The following RASGRF2 variants were observed in gnomAD, a reference collection of about 807,000 sequenced individuals.
The protein encoded by RASGRF2 is Ras protein specific guanine nucleotide releasing factor 2.
A neutral mutation model predicts 151.0 loss-of-function variants in RASGRF2; 76 were observed. The ratio of observed to expected loss-of-function variants is 0.50; its 90% CI spans 0.42 to 0.61. RASGRF2 has a LOEUF of 0.61. Ranked by LOEUF, RASGRF2 falls within the 20% of genes least tolerant of loss-of-function variation. The pLI is 0.00. For missense variants in RASGRF2, 1,148 were observed against 1,564.6 expected, an observed-to-expected ratio of 0.73 and a Z score of 4.49; for synonymous variants, 504 against 566.5, an observed-to-expected ratio of 0.89 and a Z score of 1.57.
At chr5:81,185,480 G>A (rs74473051) in intron 18 of RASGRF2, among the ~76,000 whole-genome samples, 4,075 of 152,208 alleles carry the variant, frequency 0.027, 67 homozygotes, top group Non-Finnish European at 0.033. Context: ...TGGCAGCCCA[G>A]GGCCTGGGGG....
chr5:81,153,103 A>G (rs1754173845), intron 17 of RASGRF2, among the ~76,000 whole-genome samples: 1 of 152,240 alleles, frequency 6.6e-6, no homozygotes, highest in South Asian at 2.1e-4. Flanking sequence ...ATTTAACACT[A>G]AAGAAGGCAT....
At position 81,212,413 on chromosome 5, in the gene RASGRF2, C is replaced by T; in HGVS notation, c.3204C>T (p.Ser1068=). 1 of 1,613,900 alleles carries T rather than the reference C, an allele frequency of 6.2e-7. No homozygotes were observed. The highest frequency in any genetic ancestry group is 1.3e-5 in the African/African-American group (1 of 75,042). The change falls in exon 23 of 27, where the codon AGC becomes AGT. Residue 1068 remains serine, a synonymous_variant. Coordinates refer to ENST00000265080, the MANE Select transcript of RASGRF2 (RefSeq NM_006909.3). The part of the protein sequence containing the change: ...ASQIMNYADV[S]SRANAIEKWV... The stretch of plus-strand genomic sequence containing the variant: ...AGATAATGAACTATGCTGATGTCAG[C>T]TCCCGTGCCAACGCCATCGAGAAAT...
At chr5:81,118,778 A>C (rs1431148518) in intron 15 of RASGRF2, among the ~76,000 whole-genome samples, 1 of 152,174 alleles carries the variant, frequency 6.6e-6, no homozygotes, top group Admixed American at 6.5e-5. Flanking sequence ...CAGCTTCTTA[A>C]TATTTTGCTT....
At chr5:80,975,205 A>G (rs1748075403) in intron 1 of RASGRF2, among the ~76,000 whole-genome samples, 1 of 151,984 alleles carries the variant, frequency 6.6e-6, no homozygotes, top group Admixed American at 6.6e-5. Flanking sequence ...TCTTTATCGA[A>G]AAGCTTCCCT....
intron 13 of RASGRF2, among the ~76,000 whole-genome samples, chr5:81,112,288 C>T (rs1009897909): frequency 5.9e-5 from 9 of 152,012 alleles, no homozygotes; most frequent in Non-Finnish European, 1.3e-4. Context: ...TACAGGATAA[C>T]GTTTTACGTA....
chr5:81,123,366 C>T (rs1015321863), intron 15 of RASGRF2, among the ~76,000 whole-genome samples: 1 of 152,198 alleles, frequency 6.6e-6, no homozygotes, highest in Non-Finnish European at 1.5e-5. Context: ...GGATCCACCA[C>T]ATACCCCCGT....
chr5:80,960,845 C>T lies in RASGRF2; in HGVS notation c.107C>T (p.Ala36Val). The T allele has an allele frequency of 6.2e-7, 1 of 1,608,404 alleles. No homozygotes were observed. The change falls in exon 1 of 27, where the codon GCG becomes GTG. Residue 36 changes from alanine to valine, a missense_variant. Coordinates refer to ENST00000265080, the MANE Select transcript of RASGRF2 (RefSeq NM_006909.3). This position sits in a 1 kb window ranked among gnomAD's most constrained non-coding sequence, Gnocchi z 5.5. ...TTCCTGAGTAAGAAGACGGCCGAGG[C>T]GAGCCGCTGGCACGAGAAGTGGTTC... ...RGFLSKKTAEASRWHEKWFAL... is the reference protein window; with the variant it reads ...RGFLSKKTAEVSRWHEKWFAL...
At position 81,080,659 on chromosome 5, in the gene RASGRF2, A is replaced by G. The variant is rs750754514; in HGVS notation, c.1031A>G (p.Gln344Arg). The change falls in exon 7 of 27, where the codon CAG (glutamine) becomes CGG (arginine). Residue 344 changes from glutamine (Q) to arginine (R), a missense_variant. Around this residue, in one of 5 missense-constraint regions of RASGRF2, gnomAD observed 176 missense variants for 309.6 expected, o/e 0.57. Coordinates refer to ENST00000265080, the MANE Select transcript of RASGRF2 (RefSeq NM_006909.3). ...NIYQEFVRNH[Q>R]YSLQVLANCK... ...TATCAAGAATTTGTGCGTAATCACCAGTACAGCCTGCAAGTTCTCGCCAAT... is the reference window on the plus strand; with the variant it reads ...TATCAAGAATTTGTGCGTAATCACCGGTACAGCCTGCAAGTTCTCGCCAAT... The G allele has an allele frequency of 1.1e-5, 17 of 1,614,066 alleles. No individual in the cohort carries two copies. Among genetic ancestry groups the G allele is most frequent in the Non-Finnish European group, 1.4e-5 (17 of 1,179,988 alleles).
chr5:81,176,646 C>T (rs987109689), intron 17 of RASGRF2, among the ~76,000 whole-genome samples: 2 of 147,272 alleles, frequency 1.4e-5, no homozygotes, highest in African/African-American at 5.0e-5. Context: ...GGGCTTTCTC[C>T]ATGGTGATCC....
chr5:81,072,777 G>A (rs949816800), intron 4 of RASGRF2, among the ~76,000 whole-genome samples: 2 of 152,176 alleles, frequency 1.3e-5, no homozygotes, highest in Admixed American at 6.5e-5. Context: ...GAACTCTTGG[G>A]CTCAAGTGAT....
intron 4 of RASGRF2, among the ~76,000 whole-genome samples, chr5:81,072,786 A>G (rs1020865007): frequency 4.6e-5 from 7 of 152,168 alleles, no homozygotes; most frequent in African/African-American, 1.7e-4. Flanking sequence ...GGCTCAAGTG[A>G]TCCTCTCACC....
At chr5:81,108,875 TGTGTGTA>T in intron 12 of RASGRF2, 114 bp from the exon 13 acceptor site, 9 of 1,046,804 alleles carry the variant, frequency 8.6e-6, no homozygotes, top group Non-Finnish European at 1.0e-5. Flanking sequence ...TGTGTGTGTG[TGTGTGTA>T]AGAGACAGGG....
chr5:81,229,933 C>G lies in RASGRF2; in HGVS notation c.*4163C>G, dbSNP rs1756077249. 6.6e-6 allele frequency: 1 copy of G among 152,238 alleles called. No individual in the cohort carries two copies. Among genetic ancestry groups the G allele is most frequent in the Non-Finnish European group, 1.5e-5 (1 of 68,042 alleles). The allele number at this position is 152,238 out of a possible 1,614,324, so 9.4% of individuals were successfully genotyped here. A position where few individuals can be genotyped will look rare whatever the true frequency, so the allele number is the denominator to read the frequency against. The stretch of plus-strand genomic sequence containing the variant: ...CATGAGGTCATCTGATTACTGTCCT[C>G]AGATCTCTTTTGTAGAGGATTTCAA... On this transcript the variant is annotated 3_prime_UTR_variant, in exon 27 of 27. Coordinates refer to ENST00000265080, the MANE Select transcript of RASGRF2 (RefSeq NM_006909.3).
chr5:81,119,094 A>G (rs946020507), intron 15 of RASGRF2, among the ~76,000 whole-genome samples: 3 of 152,208 alleles, frequency 2.0e-5, no homozygotes, highest in Non-Finnish European at 4.4e-5. Context: ...TTAACGCTCC[A>G]TCCATGGCAA....
intron 17 of RASGRF2, among the ~76,000 whole-genome samples, chr5:81,173,543 A>C (rs920960447): frequency 3.3e-5 from 5 of 152,126 alleles, no homozygotes; most frequent in African/African-American, 1.2e-4. Flanking sequence ...CAATTCATAG[A>C]CTCAGTGAAC....
intron 17 of RASGRF2, among the ~76,000 whole-genome samples, chr5:81,159,618 A>G (rs1294441268): frequency 1.3e-5 from 2 of 152,200 alleles, no homozygotes; most frequent in African/African-American, 4.8e-5. Flanking sequence ...GGGTGATTGA[A>G]ACGTTCTATA....
intron 10 of RASGRF2, 132 bp downstream of exon 10, chr5:81,093,093 A>G: frequency 1.0e-6 from 1 of 956,704 alleles, no homozygotes. Context: ...TGAGTGAGGT[A>G]ATGTACTGTT....
chr5:81,206,457 G>T (rs1394498385), intron 19 of RASGRF2, among the ~76,000 whole-genome samples: 1 of 152,200 alleles, frequency 6.6e-6, no homozygotes, highest in Non-Finnish European at 1.5e-5. Context: ...GTAGGGGATA[G>T]AGGTGTGGGG....
chr5:81,088,904 C>T (rs1219317413), intron 9 of RASGRF2, among the ~76,000 whole-genome samples: 1 of 151,944 alleles, frequency 6.6e-6, no homozygotes, highest in East Asian at 1.9e-4. Flanking sequence ...GTTATTAATT[C>T]CTTGTTATGT....
Sources: allele counts gnomAD v4.1 joint callset (sites outside exome capture counted in the v4.1 genomes callset), GRCh38; gene constraint gnomAD v4.1.1; regional missense constraint gnomAD v4.1.1; non-coding constraint Gnocchi (gnomAD v3.1); transcripts MANE v1.5; gene names NCBI Gene and HGNC (gene_info 2026-07-23, HGNC 2026-07-21).